ALDH16A1: variants seen among roughly 807,000 people sequenced by gnomAD.
The protein encoded by ALDH16A1 is aldehyde dehydrogenase 16 family member A1.
In ALDH16A1, 88 loss-of-function variants were observed where a neutral mutation model predicts 96.1. That is an observed-to-expected ratio of 0.92 (90% confidence interval 0.77 to 1.09). The LOEUF (loss-of-function observed/expected upper bound fraction) is 1.09. Ranked by LOEUF, ALDH16A1 falls within the 50% of genes least tolerant of loss-of-function variation. The probability of loss-of-function intolerance (pLI) is 0.00; values close to 1 mark genes in which losing one functional copy is unlikely to be tolerated. For missense variants in ALDH16A1, 1,250 were observed against 1,112.6 expected (o/e 1.12, Z -1.76); for synonymous variants, 522 against 496.4 (o/e 1.05, Z -0.69).
intron 10 of ALDH16A1, 74 bp downstream of exon 10, chr19:49,464,337 T>A: frequency 3.2e-6 from 5 of 1,572,104 alleles, no homozygotes; most frequent in Non-Finnish European, 2.6e-6. Flanking sequence ...CCTGGGTCGC[T>A]CCCCGCGCCT....
intron 4 of ALDH16A1, 92 bp from the exon 5 acceptor site, chr19:49,460,730 C>G: frequency 1.0e-4 from 61 of 601,172 alleles, no homozygotes; most frequent in East Asian, 1.8e-4. Context: ...TTTTTTTTTT[C>G]CTAATGTAGC....
At position 49,468,329 on chromosome 19, in the gene ALDH16A1, T is replaced by C; in HGVS notation, c.1939-52T>C. The C allele has an allele frequency of 6.4e-7, 1 of 1,559,754 alleles. No homozygotes were observed. The highest frequency in any genetic ancestry group is 8.7e-7 in the Non-Finnish European group (1 of 1,154,678). ...AATGTAGAGGAACTGGATCTCTCATTTACTGCGGGCGGGGCTCCCCTGCCC... is the reference window on the plus strand; with the variant it reads ...AATGTAGAGGAACTGGATCTCTCATCTACTGCGGGCGGGGCTCCCCTGCCC... On this transcript the variant is annotated intron_variant, in intron 14 of 16. Coordinates refer to ENST00000293350, the MANE Select transcript of ALDH16A1 (RefSeq NM_153329.4). The surrounding 1 kb of genome is among the most constrained non-coding windows in gnomAD (Gnocchi z 4.4).
At chr19:49,458,884 C>T in intron 2 of ALDH16A1, 76 bp from the exon 3 acceptor site, 1 of 1,548,968 alleles carries the variant, frequency 6.5e-7, no homozygotes, top group Non-Finnish European at 8.8e-7. Context: ...CTGATCCAGG[C>T]TCCGAAAATC....
At chr19:49,467,326 T>TTACATTTCA (rs1382988393) in intron 14 of ALDH16A1, among the ~76,000 whole-genome samples, 1 of 151,628 alleles carries the variant, frequency 6.6e-6, no homozygotes, top group East Asian at 2.0e-4. Flanking sequence ...TGGCCAGGGA[T>TTACATTTCA]TACATTTCAA....
chr19:49,468,989 G>C lies in ALDH16A1; in HGVS notation c.2247+3G>C. On this transcript the variant is annotated splice_donor_region_variant and intron_variant, in intron 16 of 16. Transcript: ENST00000293350. This position sits in a 1 kb window ranked among gnomAD's most constrained non-coding sequence, Gnocchi z 4.4. ...TGTGGTATTTCGGATCAGCCCAGGT[G>C]CTCTTTGTTCTGTTTTGCCATCTTC... is the stretch of plus-strand genomic sequence containing the variant. 2 of 1,607,794 alleles carry C rather than the reference G, an allele frequency of 1.2e-6. No homozygotes were observed. Among genetic ancestry groups the C allele is most frequent in the South Asian group, 2.2e-5 (2 of 90,754 alleles).
intron 14 of ALDH16A1, among the ~76,000 whole-genome samples, chr19:49,466,878 CA>C (rs1166312824): frequency 6.7e-6 from 1 of 148,458 alleles, no homozygotes; most frequent in Non-Finnish European, 1.5e-5. Flanking sequence ...AAACAAAAAA[CA>C]AAAAATACCT....
chr19:49,465,424 T>TG (rs1232338358), intron 12 of ALDH16A1, among the ~76,000 whole-genome samples: 3 of 150,112 alleles, frequency 2.0e-5, no homozygotes, highest in Non-Finnish European at 3.0e-5. Flanking sequence ...AACAGGGGTT[T>TG]GGGGTCCCCC....
intron 14 of ALDH16A1, 60 bp downstream of exon 14, chr19:49,466,343 G>T (rs2079198937): frequency 2.8e-6 from 4 of 1,404,940 alleles, no homozygotes; most frequent in Admixed American, 3.1e-5. Context: ...CAGACCAGAG[G>T]CTGTGAGATA....
At chr19:49,453,920 C>G (rs2079088754) in intron 1 of ALDH16A1, among the ~76,000 whole-genome samples, 1 of 152,096 alleles carries the variant, frequency 6.6e-6, no homozygotes, top group Non-Finnish European at 1.5e-5. Context: ...CCATGGAGCC[C>G]CCGTGATCCC....
intron 5 of ALDH16A1, among the ~76,000 whole-genome samples, chr19:49,461,154 C>T (rs1341992401): frequency 4.4e-5 from 6 of 136,116 alleles, no homozygotes; most frequent in African/African-American, 1.2e-4. Flanking sequence ...GGAGTCTGGA[C>T]TCCTGGGTCT....
rs747640259 is a variant in ALDH16A1, at chr19:49,462,740, G to A, written c.1083G>A (p.Gln361=). ...TCCAGCGCTTTGTGCGTGAGGCCCA[G>A]AGCCAGGGTGCACAGGTGAGGCAGG... ...DLVQRFVREA[Q]SQGAQVFQAG... The change falls in exon 8 of 17, where the codon CAG becomes CAA. Residue 361 remains glutamine, a synonymous_variant. Coordinates refer to ENST00000293350, the MANE Select transcript of ALDH16A1 (RefSeq NM_153329.4). The A allele has an allele frequency of 6.3e-7, 1 of 1,595,468 alleles. No homozygotes were observed. The highest frequency in any genetic ancestry group is 8.5e-7 in the Non-Finnish European group (1 of 1,172,110).
chr19:49,456,840 G>T (rs746983970), intron 1 of ALDH16A1, among the ~76,000 whole-genome samples: 18 of 152,212 alleles, frequency 1.2e-4, no homozygotes, highest in Non-Finnish European at 2.2e-4. Context: ...AGGCACAGTG[G>T]CTCATGCTTG....
intron 8 of ALDH16A1, 75 bp from the exon 9 acceptor site, chr19:49,463,779 G>A (rs1400857991): frequency 1.4e-5 from 20 of 1,394,120 alleles, no homozygotes; most frequent in Middle Eastern, 1.8e-4. Flanking sequence ...GAGGGAGGAG[G>A]GGCTGGGGTC....
In ALDH16A1 at chr19:49,462,682, TG is replaced by T; in HGVS notation, c.1030del (p.Ala344ProfsTer158). On this transcript the variant is annotated frameshift_variant, in exon 8 of 17. Coordinates refer to ENST00000293350, the MANE Select transcript of ALDH16A1 (RefSeq NM_153329.4). LOFTEE classifies it high-confidence loss of function. ...CGAGGGCTGGATGGGGCCGTGGACATGGGGGCCCGGGGGGCTGCCGCATGTG... is the reference window on the plus strand; with the variant it reads ...CGAGGGCTGGATGGGGCCGTGGACATGGGGCCCGGGGGGCTGCCGCATGTG... ...SGRGLDGAVD[M>X]GARGAAACDL... 6.2e-7 allele frequency: 1 copy of T among 1,609,240 alleles called. No individual in the cohort carries two copies. The highest frequency in any genetic ancestry group is 8.5e-7 in the Non-Finnish European group (1 of 1,178,932).
In ALDH16A1 at chr19:49,464,213, C is replaced by T. The variant is rs1196895056; in HGVS notation, c.1281C>T (p.Ser427=). Residue 427 remains serine (S), a synonymous_variant, in exon 10 of 17, where the codon AGC becomes AGT. Coordinates refer to ENST00000293350, the MANE Select transcript of ALDH16A1 (RefSeq NM_153329.4). ...LVANGTPRGG[S]ASVWSERLGQ... is the part of the protein sequence containing the mutation. ...CCAACGGGACGCCCCGCGGGGGCAG[C>T]GCCAGTGTGTGGAGCGAGAGGCTGG... The T allele has an allele frequency of 5.6e-6, 9 of 1,605,708 alleles. No homozygotes were observed. Among genetic ancestry groups the T allele is most frequent in the South Asian group, 3.3e-5 (3 of 90,884 alleles).
chr19:49,456,907 A>C (rs1284781174), intron 1 of ALDH16A1, among the ~76,000 whole-genome samples: 1 of 152,012 alleles, frequency 6.6e-6, no homozygotes, highest in Non-Finnish European at 1.5e-5. Context: ...CAGGAGTTCG[A>C]GACCAGCCTG....
chr19:49,465,693 A>C (rs2079191574), intron 12 of ALDH16A1, 45 bp from the exon 13 acceptor site: 1 of 1,576,284 alleles, frequency 6.3e-7, no homozygotes. Context: ...GGGTCTGAGC[A>C]GATTGAGGCC....
intron 16 of ALDH16A1, chr19:49,469,752 T>C (rs572336911): frequency 4.8e-5 from 7 of 145,938 alleles, no homozygotes; most frequent in Admixed American, 4.7e-4. Flanking sequence ...TTGTTGGGGG[T>C]TTTTTTTTAG....
intron 1 of ALDH16A1, among the ~76,000 whole-genome samples, chr19:49,456,389 T>TTTTG (rs750112422): frequency 1.3e-5 from 2 of 152,160 alleles, no homozygotes; most frequent in East Asian, 1.9e-4. Flanking sequence ...TCTTTTTGTT[T>TTTTG]TTTGTTTGTT....
Sources: gnomAD v4.1 joint callset for allele counts (sites outside exome capture counted in the v4.1 genomes callset) on GRCh38, gnomAD v4.1.1 for gene constraint, Gnocchi (gnomAD v3.1) non-coding constraint, MANE v1.5 for transcripts, NCBI Gene and HGNC (gene_info 2026-07-23, HGNC 2026-07-21) for gene names.